Variants in ACVR2A observed in about 807,000 individuals in gnomAD.
ACVR2A encodes the protein activin receptor type-2A.
Under a neutral mutation model 61.4 loss-of-function variants are expected in ACVR2A, and 7 were observed. The ratio of observed to expected loss-of-function variants is 0.11; its 90% CI spans 0.06 to 0.21. ACVR2A has a LOEUF of 0.21. Among genes scored for constraint, ACVR2A ranks in the 10% least tolerant of loss-of-function variants. The pLI is 1.00. For synonymous variants in ACVR2A, 193 were observed against 208.3 expected (o/e 0.93, Z 0.63); for missense variants, 322 against 621.7 (o/e 0.52, Z 5.13).
intron 4 of ACVR2A, 99 bp from the exon 5 acceptor site, chr2:147,915,092 G>T: frequency 9.1e-7 from 1 of 1,104,492 alleles, no homozygotes. Context: ...TACTGTTTCT[G>T]TCAGTTGACT....
At chr2:147,901,646 A>G (rs1178244637) in intron 4 of ACVR2A, among the ~76,000 whole-genome samples, 1 of 152,066 alleles carries the variant, frequency 6.6e-6, no homozygotes, top group African/African-American at 2.4e-5. Context: ...TCATGAGTTT[A>G]TATGAATTTG....
chr2:147,857,495 A>G (rs1685610744), intron 1 of ACVR2A, among the ~76,000 whole-genome samples: 1 of 151,346 alleles, frequency 6.6e-6, no homozygotes, highest in Non-Finnish European at 1.5e-5. Flanking sequence ...TTTTGTTGGT[A>G]CATATGTAGC....
chr2:147,893,148 T>C (rs1025465680), intron 1 of ACVR2A, among the ~76,000 whole-genome samples: 1 of 152,174 alleles, frequency 6.6e-6, no homozygotes, highest in Non-Finnish European at 1.5e-5. Flanking sequence ...ATTATGTAAA[T>C]GGAATCATAC....
intron 4 of ACVR2A, among the ~76,000 whole-genome samples, chr2:147,903,136 G>A (rs536541256): frequency 6.6e-6 from 1 of 151,702 alleles, no homozygotes; most frequent in Non-Finnish European, 1.5e-5. Context: ...TGATGTAGGG[G>A]TATAAGTACT....
chr2:147,919,270 T>C (rs764427145), intron 7 of ACVR2A, among the ~76,000 whole-genome samples: 1 of 152,160 alleles, frequency 6.6e-6, no homozygotes, highest in African/African-American at 2.4e-5. Flanking sequence ...GGAGGCATTA[T>C]TGTAAGTCAG....
Position 147,918,159 on chromosome 2 carries a change from A to G in ACVR2A, c.817-288A>G, listed in dbSNP as rs17743157. On this transcript the variant is annotated intron_variant, in intron 6 of 10. Coordinates refer to ENST00000241416, the MANE Select transcript of ACVR2A (RefSeq NM_001616.5). The stretch of plus-strand genomic sequence containing the variant: ...TATTTTCTAGAACCTTAGATTTTCA[A>G]CTAGTCTTTAAAAAAAAAAAAAAAC... Among the ~76,000 whole-genome samples, 21,458 of 151,068 alleles carry G rather than the reference A, an allele frequency of 0.14. 1,895 individuals carry two copies. Among genetic ancestry groups the G allele is most frequent in the Middle Eastern group, 0.23 (66 of 292 alleles).
chr2:147,894,063 G>T (rs1686662788), intron 1 of ACVR2A, among the ~76,000 whole-genome samples: 1 of 152,088 alleles, frequency 6.6e-6, no homozygotes, highest in Admixed American at 6.6e-5. Flanking sequence ...GGTTGAAGTT[G>T]TTTGTTTTTT....
rs957771874 is a variant in ACVR2A at position 147,899,397 on chromosome 2, CTTG to C, written c.264-56_264-54del. 38 of 1,047,952 alleles carry C rather than the reference CTTG, an allele frequency of 3.6e-5. No homozygotes were observed. In the African/African-American group the frequency reaches 5.2e-4, roughly 14 times the overall value. The allele number at this position is 1,047,952 out of a possible 1,614,324, so 64.9% of individuals were successfully genotyped here. A position where few individuals can be genotyped will look rare whatever the true frequency, so the allele number is the denominator to read the frequency against. On this transcript the variant is annotated intron_variant, in intron 2 of 10. Coordinates refer to ENST00000241416, the MANE Select transcript of ACVR2A (RefSeq NM_001616.5). ...ATTATTTTATTGCAGAATAAAAACA[CTTG>C]TTGTAGGGTCAGTATAATAATATTG... is the stretch of plus-strand genomic sequence containing the variant.
chr2:147,924,684 G>C (rs554705828), intron 9 of ACVR2A, among the ~76,000 whole-genome samples: 1 of 151,938 alleles, frequency 6.6e-6, no homozygotes, highest in African/African-American at 2.4e-5. Flanking sequence ...TGCTAAAGTA[G>C]GTGCTTTCAC....
At chr2:147,892,314 T>G (rs955652721) in intron 1 of ACVR2A, among the ~76,000 whole-genome samples, 6 of 151,582 alleles carry the variant, frequency 4.0e-5, no homozygotes, top group African/African-American at 7.3e-5. Flanking sequence ...GAACATAGTT[T>G]GCACTGTCAG....
At position 147,917,443 on chromosome 2, in the gene ACVR2A, T is replaced by TAC; in HGVS notation, c.816+17_816+18insAC. The TAC allele has an allele frequency of 6.2e-7, 1 of 1,609,702 alleles. No homozygotes were observed. The highest frequency in any genetic ancestry group is 8.5e-7 in the Non-Finnish European group (1 of 1,177,678). ...CATGAAAAGGTAAAACTACTTAACG[T>TAC]TTTACTTTAGTAAAGTCTGAGTTGG... On this transcript the variant is annotated intron_variant, in intron 6 of 10. Coordinates refer to ENST00000241416, the MANE Select transcript of ACVR2A (RefSeq NM_001616.5).
chr2:147,865,763 A>G (rs1573918841), intron 1 of ACVR2A, among the ~76,000 whole-genome samples: 1 of 152,240 alleles, frequency 6.6e-6, no homozygotes, highest in South Asian at 2.1e-4. Context: ...TGAATAAGAC[A>G]CAATCTTTAC....
At chr2:147,915,569 T>G (rs1358432983) in intron 5 of ACVR2A, among the ~76,000 whole-genome samples, 1 of 151,954 alleles carries the variant, frequency 6.6e-6, no homozygotes, top group African/African-American at 2.4e-5. Flanking sequence ...GTAGATCTTT[T>G]GCCAGTGAAA....
chr2:147,882,351 G>A (rs1431916340), intron 1 of ACVR2A, among the ~76,000 whole-genome samples: 1 of 152,228 alleles, frequency 6.6e-6, no homozygotes, highest in African/African-American at 2.4e-5. Context: ...AGGAGTTCGA[G>A]ACCAGCCTGG....
intron 1 of ACVR2A, among the ~76,000 whole-genome samples, chr2:147,887,522 G>A (rs1410314604): frequency 1.3e-5 from 2 of 152,186 alleles, no homozygotes; most frequent in East Asian, 1.9e-4. Flanking sequence ...AAATAAAGAC[G>A]TGTCAGTTTA....
intron 1 of ACVR2A, among the ~76,000 whole-genome samples, chr2:147,895,902 A>G (rs1268661232): frequency 3.3e-5 from 5 of 152,068 alleles, no homozygotes; most frequent in Admixed American, 6.6e-5. Flanking sequence ...AAAGCCAGTG[A>G]TCCTTACCCC....
intron 4 of ACVR2A, among the ~76,000 whole-genome samples, chr2:147,902,043 A>G (rs1021888318): frequency 1.3e-5 from 2 of 152,008 alleles, no homozygotes; most frequent in Non-Finnish European, 2.9e-5. Context: ...ATTATACATA[A>G]AGATATAAAT....
At chr2:147,911,875 G>A (rs965221533) in intron 4 of ACVR2A, among the ~76,000 whole-genome samples, 3 of 151,916 alleles carry the variant, frequency 2.0e-5, no homozygotes, top group Non-Finnish European at 4.4e-5. Flanking sequence ...CCTTGTATTG[G>A]TTAATTTTTA....
chr2:147,885,550 T>A (rs975148775), intron 1 of ACVR2A, among the ~76,000 whole-genome samples: 6 of 152,130 alleles, frequency 3.9e-5, no homozygotes, highest in Non-Finnish European at 5.9e-5. Context: ...AGTATGTACC[T>A]GTAGCACAAT....
Sources: gnomAD v4.1 joint callset for allele counts (sites outside exome capture counted in the v4.1 genomes callset) on GRCh38, gnomAD v4.1.1 for gene constraint, MANE v1.5 for transcripts, NCBI Gene and HGNC (gene_info 2026-07-23, HGNC 2026-07-21) for gene names.